The following PLCL2 variants were observed in gnomAD, a reference collection of about 807,000 sequenced individuals.
PLCL2 encodes phospholipase C like 2.
A neutral mutation model predicts 79.6 loss-of-function variants in PLCL2; 4 were observed. The observed-to-expected ratio is 0.05, with a 90% confidence interval of 0.02 to 0.11. The LOEUF (loss-of-function observed/expected upper bound fraction) is 0.11, where lower values mean the gene tolerates loss of function less well. PLCL2 is among the 10% of genes least tolerant of loss of function. PLCL2 has a pLI of 1.00. For missense variants in PLCL2, 895 were observed against 1,291.0 expected (o/e 0.69, Z 4.70); for synonymous variants, 484 against 457.7 (o/e 1.06, Z -0.73).
chr3:16,932,681 G>A (rs574374660), intron 1 of PLCL2, among the ~76,000 whole-genome samples: 2 of 152,288 alleles, frequency 1.3e-5, no homozygotes, highest in East Asian at 3.9e-4. Flanking sequence ...TAGCTGATCA[G>A]TGCTAGAAAA....
chr3:16,969,904 A>G (rs1046439765), intron 1 of PLCL2, among the ~76,000 whole-genome samples: 1 of 151,592 alleles, frequency 6.6e-6, no homozygotes, highest in Non-Finnish European at 1.5e-5. Flanking sequence ...GGTATGTTCT[A>G]TCTTTGTTCT....
chr3:17,003,809 G>A (rs997060188), intron 1 of PLCL2, among the ~76,000 whole-genome samples: 3 of 152,126 alleles, frequency 2.0e-5, no homozygotes. Flanking sequence ...CTGGGGCAAT[G>A]GATCTTTGCC....
At chr3:17,081,809 A>G (rs1248878848) in intron 5 of PLCL2, among the ~76,000 whole-genome samples, 1 of 152,254 alleles carries the variant, frequency 6.6e-6, no homozygotes, top group Non-Finnish European at 1.5e-5. Context: ...GCTGGGATCC[A>G]GCCACTGCCC....
At chr3:17,062,805 C>A (rs2064965469) in intron 4 of PLCL2, among the ~76,000 whole-genome samples, 1 of 152,142 alleles carries the variant, frequency 6.6e-6, no homozygotes, top group Non-Finnish European at 1.5e-5. Flanking sequence ...AAAAAAATCC[C>A]AGTTCTTATT....
intron 3 of PLCL2, among the ~76,000 whole-genome samples, chr3:17,033,147 C>T (rs2064603150): frequency 6.6e-6 from 1 of 152,126 alleles, no homozygotes; most frequent in African/African-American, 2.4e-5. Flanking sequence ...AGGTACTACC[C>T]TAGCTCTGAA....
chr3:16,975,302 A>C (rs1806555), intron 1 of PLCL2, among the ~76,000 whole-genome samples: 86,769 of 151,996 alleles, frequency 0.57, 25,013 homozygotes, highest in African/African-American at 0.64. Flanking sequence ...TGAGTCTATG[A>C]TTTGGTTCCT....
At chr3:17,008,481 A>C (rs746425810) in intron 1 of PLCL2, among the ~76,000 whole-genome samples, 11 of 152,092 alleles carry the variant, frequency 7.2e-5, no homozygotes, top group Non-Finnish European at 1.3e-4. Context: ...TTTAGTGTAC[A>C]TCCTCCGTCA....
At chr3:17,070,225 A>AT (rs2065049577) in intron 5 of PLCL2, among the ~76,000 whole-genome samples, 2 of 152,190 alleles carry the variant, frequency 1.3e-5, no homozygotes, top group African/African-American at 4.8e-5. Flanking sequence ...CAGAACCTGC[A>AT]TTTTTACAAG....
chr3:16,982,405 G>A (rs1241974526), intron 1 of PLCL2, among the ~76,000 whole-genome samples: 3 of 152,170 alleles, frequency 2.0e-5, no homozygotes, highest in Non-Finnish European at 4.4e-5. Context: ...TTTGGGGGGT[G>A]TATGTGTTTT....
At chr3:16,934,405 G>C (rs1164300703) in intron 1 of PLCL2, among the ~76,000 whole-genome samples, 1 of 152,196 alleles carries the variant, frequency 6.6e-6, no homozygotes, top group Non-Finnish European at 1.5e-5. Context: ...GTGAGGAACT[G>C]TGTTCTAGGA....
intron 1 of PLCL2, among the ~76,000 whole-genome samples, chr3:16,978,221 A>T (rs894068184): frequency 6.6e-6 from 1 of 152,242 alleles, no homozygotes; most frequent in Admixed American, 6.5e-5. Flanking sequence ...CAGGAGAAGA[A>T]ATAAATACCC....
intron 1 of PLCL2, among the ~76,000 whole-genome samples, chr3:16,946,214 C>G (rs994756262): frequency 6.6e-6 from 1 of 151,998 alleles, no homozygotes; most frequent in African/African-American, 2.4e-5. Context: ...GTTTAAATAG[C>G]GGGAAATGAG....
At chr3:16,900,093 G>A (rs1486826620) in intron 1 of PLCL2, among the ~76,000 whole-genome samples, 2 of 152,154 alleles carry the variant, frequency 1.3e-5, no homozygotes, top group Admixed American at 6.5e-5. Flanking sequence ...GGTTGGGCAC[G>A]ATTGTTTTAG....
intron 1 of PLCL2, among the ~76,000 whole-genome samples, chr3:16,968,640 A>T (rs2063828696): frequency 6.6e-6 from 1 of 152,118 alleles, no homozygotes; most frequent in South Asian, 2.1e-4. Flanking sequence ...AATTTTGCTC[A>T]AATTGTTTAT....
chr3:16,912,751 G>A (rs369858681), intron 1 of PLCL2, among the ~76,000 whole-genome samples: 1 of 152,190 alleles, frequency 6.6e-6, no homozygotes, highest in Non-Finnish European at 1.5e-5. Context: ...CTGAATTGCT[G>A]TTGACTGTGA....
chr3:16,897,528 A>C (rs1394414170), intron 1 of PLCL2, among the ~76,000 whole-genome samples: 5 of 152,220 alleles, frequency 3.3e-5, no homozygotes, highest in Non-Finnish European at 5.9e-5. Flanking sequence ...AGGCACTAGC[A>C]CTATTTCTAG....
At chr3:16,955,527 A>G (rs1214737740) in intron 1 of PLCL2, among the ~76,000 whole-genome samples, 2 of 151,722 alleles carry the variant, frequency 1.3e-5, no homozygotes, top group East Asian at 3.9e-4. Flanking sequence ...TTTTGGTTCC[A>G]TATGAACTTT....
At chr3:17,029,712 A>AC (rs937566037) in intron 3 of PLCL2, among the ~76,000 whole-genome samples, 3 of 152,092 alleles carry the variant, frequency 2.0e-5, no homozygotes, top group Non-Finnish European at 4.4e-5. Flanking sequence ...CCCAACTGCT[A>AC]CAGGCCCCCA....
intron 2 of PLCL2, 52 bp downstream of exon 2, chr3:17,012,212 G>T: frequency 1.3e-6 from 2 of 1,485,528 alleles, no homozygotes; most frequent in Non-Finnish European, 1.8e-6. Context: ...CTTTGTACAT[G>T]TCCATAGTTT....
Sources: gnomAD v4.1 joint callset for allele counts (sites outside exome capture counted in the v4.1 genomes callset) on GRCh38, gnomAD v4.1.1 for gene constraint, MANE v1.5 for transcripts, NCBI Gene and HGNC (gene_info 2026-07-23, HGNC 2026-07-21) for gene names.